The following FMN1 variants were observed in gnomAD, a reference collection of about 807,000 sequenced individuals.
FMN1 encodes formin 1, also known as formin-1.
Under a neutral mutation model 132.4 loss-of-function variants are expected in FMN1, and 110 were observed. The observed-to-expected ratio is 0.83, with a 90% confidence interval of 0.71 to 0.97. FMN1 has a LOEUF of 0.97. Among genes scored for constraint, FMN1 ranks in the 50% least tolerant of loss-of-function variants. The pLI, the probability that FMN1 is intolerant of heterozygous loss-of-function variation, is 0.00. For synonymous variants in FMN1, 722 were observed against 651.7 expected (o/e 1.11, Z -1.64); for missense variants, 1,792 against 1,705.3 (o/e 1.05, Z -0.90).
intron 4 of FMN1, among the ~76,000 whole-genome samples, chr15:33,111,489 G>A (rs931436617): frequency 6.6e-6 from 1 of 151,996 alleles, no homozygotes; most frequent in African/African-American, 2.4e-5. Flanking sequence ...ATAAATCCAA[G>A]AAATATAAAA....
At chr15:32,899,084 C>G (rs1165860728) in intron 14 of FMN1, among the ~76,000 whole-genome samples, 191 bp from the exon 15 acceptor site, 1 of 152,178 alleles carries the variant, frequency 6.6e-6, no homozygotes, top group Non-Finnish European at 1.5e-5. Context: ...AGAAATGACA[C>G]TGTACTATCC....
chr15:33,101,795 C>T (rs1211482188), intron 4 of FMN1, among the ~76,000 whole-genome samples: 1 of 152,072 alleles, frequency 6.6e-6, no homozygotes, highest in Non-Finnish European at 1.5e-5. Flanking sequence ...CAGAATAGAA[C>T]CCAAATTCTT....
chr15:32,782,941 G>A (rs1028599490), intron 19 of FMN1, among the ~76,000 whole-genome samples: 5 of 152,166 alleles, frequency 3.3e-5, no homozygotes, highest in African/African-American at 1.2e-4. Context: ...ATAAGTGGGA[G>A]CTAAACAGTG....
intron 9 of FMN1, among the ~76,000 whole-genome samples, chr15:32,957,698 C>T (rs1341220802): frequency 6.6e-6 from 1 of 152,108 alleles, no homozygotes; most frequent in Non-Finnish European, 1.5e-5. Context: ...AGTTCATAAA[C>T]TAAGAGATTA....
At chr15:33,004,327 G>A (rs1056201979) in intron 7 of FMN1, among the ~76,000 whole-genome samples, 3 of 152,064 alleles carry the variant, frequency 2.0e-5, no homozygotes, top group Admixed American at 1.3e-4. Context: ...AATCTACAGT[G>A]AACTCAAACA....
At chr15:32,915,969 G>A (rs1452403493) in intron 10 of FMN1, among the ~76,000 whole-genome samples, 1 of 152,106 alleles carries the variant, frequency 6.6e-6, no homozygotes, top group Non-Finnish European at 1.5e-5. Flanking sequence ...CTGGTTTCTG[G>A]GCTTCTTTTT....
intron 6 of FMN1, among the ~76,000 whole-genome samples, chr15:33,016,130 AAAT>A (rs67407053): frequency 0.12 from 17,723 of 152,218 alleles, 1,175 homozygotes; most frequent in Middle Eastern, 0.2. Context: ...ATAACAAATT[AAAT>A]AATAGTAAAA....
At position 33,100,944 on chromosome 15, in the gene FMN1, C is replaced by G. The variant is rs143470864; in HGVS notation, c.1868-11970G>C. Among the ~76,000 whole-genome samples, 28 of 152,126 alleles carry G rather than the reference C, an allele frequency of 1.8e-4. No homozygotes were observed. In the East Asian group the frequency reaches 2.9e-3, roughly 16 times the overall value. Reference sequence around the variant, plus strand: ...TAAGAAAATGTTCACAATATGACATCAAGTATGAAATACAATTCTTACCCT... The same window carrying G: ...TAAGAAAATGTTCACAATATGACATGAAGTATGAAATACAATTCTTACCCT... On this transcript the variant is annotated intron_variant, in intron 4 of 20. Coordinates refer to ENST00000616417, the MANE Select transcript of FMN1 (RefSeq NM_001277313.2).
intron 4 of FMN1, among the ~76,000 whole-genome samples, chr15:33,144,465 A>G (rs1057399605): frequency 1.3e-5 from 2 of 151,892 alleles, no homozygotes; most frequent in African/African-American, 2.4e-5. Flanking sequence ...TGAAACCCCC[A>G]TCTCCAGTAA....
intron 6 of FMN1, among the ~76,000 whole-genome samples, chr15:33,040,910 A>T (rs1354855950): frequency 2.6e-5 from 4 of 152,220 alleles, no homozygotes; most frequent in Non-Finnish European, 5.9e-5. Flanking sequence ...TCTACTACAG[A>T]GTCACTGGAT....
At chr15:33,063,596 G>A (rs1428898531) in intron 6 of FMN1, 7 of 152,034 alleles carry the variant, frequency 4.6e-5, no homozygotes, top group African/African-American at 7.2e-5. Flanking sequence ...TGATTAGTAC[G>A]ACCCTCATTG....
intron 15 of FMN1, among the ~76,000 whole-genome samples, chr15:32,894,364 G>A (rs1222580141): frequency 6.6e-6 from 1 of 151,888 alleles, no homozygotes; most frequent in African/African-American, 2.4e-5. Context: ...CACACCTGTA[G>A]TCCCAGCTAC....
chr15:32,830,205 A>C (rs1486813370), intron 17 of FMN1, among the ~76,000 whole-genome samples: 1 of 152,236 alleles, frequency 6.6e-6, no homozygotes, highest in African/African-American at 2.4e-5. Flanking sequence ...GAAATAACAA[A>C]TGACAGGAGA....
intron 18 of FMN1, among the ~76,000 whole-genome samples, chr15:32,802,468 C>T (rs186782209): frequency 6.6e-6 from 1 of 152,290 alleles, no homozygotes; most frequent in East Asian, 1.9e-4. Context: ...ACAAATATTG[C>T]AACACTGACC....
intron 4 of FMN1, among the ~76,000 whole-genome samples, chr15:33,113,542 C>T (rs1352314482): frequency 4.6e-5 from 7 of 152,094 alleles, no homozygotes; most frequent in Non-Finnish European, 8.8e-5. Context: ...AAGTACGACC[C>T]TGCTCCCCCA....
intron 16 of FMN1, among the ~76,000 whole-genome samples, chr15:32,870,701 T>C (rs995109189): frequency 1.1e-4 from 16 of 152,182 alleles, no homozygotes; most frequent in African/African-American, 3.4e-4. Context: ...AACATATTCA[T>C]TAATCACCTA....
intron 6 of FMN1, among the ~76,000 whole-genome samples, chr15:33,061,668 G>T (rs571076252): frequency 7.2e-5 from 11 of 151,984 alleles, no homozygotes; most frequent in African/African-American, 2.7e-4. Context: ...AAATGGAACC[G>T]CCAGATTCTG....
At chr15:33,096,572 G>A (rs555579302) in intron 4 of FMN1, among the ~76,000 whole-genome samples, 17 of 151,914 alleles carry the variant, frequency 1.1e-4, no homozygotes, top group African/African-American at 3.4e-4. Context: ...CTCCAGCACC[G>A]GATTTATCAC....
At chr15:33,058,128 A>C (rs560670480) in intron 6 of FMN1, among the ~76,000 whole-genome samples, 1 of 112,520 alleles carries the variant, frequency 8.9e-6, no homozygotes, top group South Asian at 3.2e-4. Flanking sequence ...CTGGTGGAGG[A>C]GGCTGAAGCC....
Sources: allele counts gnomAD v4.1 joint callset (sites outside exome capture counted in the v4.1 genomes callset), GRCh38; gene constraint gnomAD v4.1.1; transcripts MANE v1.5; gene names NCBI Gene and HGNC (gene_info 2026-07-23, HGNC 2026-07-21).